The following DUSP22 variants were observed in gnomAD, a reference collection of about 807,000 sequenced individuals.
DUSP22 encodes dual specificity phosphatase 22, also known as dual specificity protein phosphatase 22.
In DUSP22, 24 loss-of-function variants were observed where a neutral mutation model predicts 24.5. The ratio of observed to expected loss-of-function variants is 0.98; its 90% CI spans 0.71 to 1.38. The LOEUF (loss-of-function observed/expected upper bound fraction) is 1.38, where lower values mean the gene tolerates loss of function less well. Ranked by LOEUF, DUSP22 falls within the 40% of genes most tolerant of loss-of-function variation. DUSP22 has a pLI of 0.00. For synonymous variants in DUSP22, 160 were observed against 106.4 expected (o/e 1.50, Z -3.10); for missense variants, 330 against 269.2 (o/e 1.23, Z -1.58).
At chr6:297,338 G>A (rs1481705966) in intron 1 of DUSP22, among the ~76,000 whole-genome samples, 2 of 152,306 alleles carry the variant, frequency 1.3e-5, no homozygotes, top group Non-Finnish European at 2.9e-5. Context: ...AAACTGTGAA[G>A]TGCAAATACA....
Position 351,139 on chromosome 6 carries a change from G to C in DUSP22, c.*2188G>C. The C allele has an allele frequency of 1.9e-6, 1 of 538,134 alleles. No individual in the cohort carries two copies. Among genetic ancestry groups the C allele is most frequent in the Admixed American group, 3.4e-5 (1 of 29,026 alleles). 33.3% of individuals were successfully genotyped at this position (538,134 alleles called of 1,614,324 possible). A position where few individuals can be genotyped will look rare whatever the true frequency, so the allele number is the denominator to read the frequency against. On this transcript the variant is annotated 3_prime_UTR_variant, in exon 7 of 7. Coordinates refer to ENST00000419235, the MANE Select transcript of DUSP22 (RefSeq NM_001286555.3). ...CCCGGGAGCCTTGCCGCACTGCCTTGTGGGTGGCTTGGCGCTCGTGATTGC... is the reference window on the plus strand; with the variant it reads ...CCCGGGAGCCTTGCCGCACTGCCTTCTGGGTGGCTTGGCGCTCGTGATTGC...
At chr6:301,034 G>A (rs796500232) in intron 1 of DUSP22, among the ~76,000 whole-genome samples, 15 of 152,296 alleles carry the variant, frequency 9.8e-5, no homozygotes, top group Non-Finnish European at 1.8e-4. Flanking sequence ...CCCTGCAGCC[G>A]GCGTGCAGAC....
At position 350,911 on chromosome 6, in the gene DUSP22, G is replaced by T; in HGVS notation, c.*1960G>T. Reference sequence around the variant, plus strand: ...AAATATTGCAAACCCACAGAGTTTAGGCTGGTGCTGCCAAAAAGAAAAGCA... The same window carrying T: ...AAATATTGCAAACCCACAGAGTTTATGCTGGTGCTGCCAAAAAGAAAAGCA... On this transcript the variant is annotated 3_prime_UTR_variant, in exon 7 of 7. Transcript: ENST00000419235. 6.2e-7 allele frequency: 1 copy of T among 1,611,956 alleles called. No homozygotes were observed. The highest frequency in any genetic ancestry group is 8.5e-7 in the Non-Finnish European group (1 of 1,178,552).
intron 3 of DUSP22, among the ~76,000 whole-genome samples, chr6:317,586 T>G (rs1376924345): frequency 6.6e-6 from 1 of 152,302 alleles, no homozygotes; most frequent in Non-Finnish European, 1.5e-5. Context: ...CAGTTTGTAC[T>G]CTCAGTTGGG....
At chr6:343,968 A>T (rs1411607881) in intron 4 of DUSP22, among the ~76,000 whole-genome samples, 1 of 152,306 alleles carries the variant, frequency 6.6e-6, no homozygotes, top group Admixed American at 6.5e-5. Context: ...TTGCTGTTTT[A>T]TAAGCCATTC....
intron 2 of DUSP22, among the ~76,000 whole-genome samples, chr6:311,381 A>G (rs1479630091): frequency 1.3e-5 from 2 of 152,306 alleles, no homozygotes; most frequent in Non-Finnish European, 2.9e-5. Flanking sequence ...TGAGACAATC[A>G]GAAATAAAGT....
In DUSP22 at chr6:330,830, C is replaced by T. The variant is rs576859579; in HGVS notation, c.139-4284C>T. 2.0e-5 allele frequency among the ~76,000 whole-genome samples: 3 copies of T among 152,422 alleles called. No individual in the cohort carries two copies. The South Asian group carries it at 6.2e-4, about 32-fold the overall frequency. ...GCTGTCCTTAGCAGATCCCCCATCT[C>T]TCCTGCCTCTTTGCAGCATCTTCCA... On this transcript the variant is annotated intron_variant, in intron 3 of 6. Transcript: ENST00000419235.
chr6:331,079 G>A (rs532599221), intron 3 of DUSP22, among the ~76,000 whole-genome samples: 49 of 152,392 alleles, frequency 3.2e-4, no homozygotes, highest in African/African-American at 9.6e-4. Flanking sequence ...AAATCATGAC[G>A]GTCTTGAAGC....
At chr6:293,246 G>T (rs1178984533) in intron 1 of DUSP22, among the ~76,000 whole-genome samples, 2 of 152,272 alleles carry the variant, frequency 1.3e-5, no homozygotes, top group Non-Finnish European at 1.5e-5. Flanking sequence ...TTCTTTTGTT[G>T]CCCGCACCTC....
intron 1 of DUSP22, among the ~76,000 whole-genome samples, chr6:296,343 C>T (rs1366944931): frequency 2.6e-5 from 4 of 152,288 alleles, no homozygotes; most frequent in African/African-American, 9.6e-5. Context: ...ATTTTCATGC[C>T]TGTTTTCTGG....
rs539992007 is a variant in DUSP22 at position 337,787 on chromosome 6, A to G, written c.188+2624A>G. Reference sequence around the variant, plus strand: ...CCCCTCACCTCCTCCTACCCTTTTAATTAGTTCTCTCCTATCCCAAATATG... The same window carrying G: ...CCCCTCACCTCCTCCTACCCTTTTAGTTAGTTCTCTCCTATCCCAAATATG... On this transcript the variant is annotated intron_variant, in intron 4 of 6. Coordinates refer to ENST00000419235, the MANE Select transcript of DUSP22 (RefSeq NM_001286555.3). Among the ~76,000 whole-genome samples, 7 of 152,420 alleles carry G rather than the reference A, an allele frequency of 4.6e-5. No homozygotes were observed. The East Asian group carries it at 1.2e-3, about 25-fold the overall frequency.
intron 1 of DUSP22, among the ~76,000 whole-genome samples, chr6:297,021 TG>T (rs1375485107): frequency 1.6e-4 from 25 of 152,408 alleles, no homozygotes; most frequent in African/African-American, 5.8e-4. Context: ...CTCACTTCAG[TG>T]GGTGCATCTT....
Position 337,638 on chromosome 6 carries a change from G to A in DUSP22, c.188+2475G>A, listed in dbSNP as rs1310046840. 3.9e-5 allele frequency among the ~76,000 whole-genome samples: 6 copies of A among 152,420 alleles called. No individual in the cohort carries two copies. In the East Asian group the frequency reaches 7.7e-4, roughly 20 times the overall value. On this transcript the variant is annotated intron_variant, in intron 4 of 6. Transcript: ENST00000419235. ...CCCATACTTTTTCTTTTTAAAATAC[G>A]TATAGATTTAGGGGTTGCAGGTGCA...
intron 1 of DUSP22, 23 bp downstream of exon 1, chr6:292,583 C>G: frequency 6.3e-7 from 1 of 1,592,470 alleles, no homozygotes; most frequent in Non-Finnish European, 8.5e-7. Context: ...CTCGTTCGCG[C>G]TGGGTTTGCC....
chr6:323,056 G>C (rs1299282590), intron 3 of DUSP22, among the ~76,000 whole-genome samples: 2 of 152,304 alleles, frequency 1.3e-5, no homozygotes, highest in Non-Finnish European at 2.9e-5. Flanking sequence ...GGTGGACCTT[G>C]TGTTTGCCCA....
At chr6:317,507 C>G (rs965442400) in intron 3 of DUSP22, among the ~76,000 whole-genome samples, 7 of 152,310 alleles carry the variant, frequency 4.6e-5, no homozygotes, top group African/African-American at 7.2e-5. Context: ...CCCAGCTCTC[C>G]TTCCTCTGAG....
At position 350,561 on chromosome 6, in the gene DUSP22, C is replaced by G; in HGVS notation, c.*1610C>G. The G allele has an allele frequency of 1.5e-6, 2 of 1,377,984 alleles. No homozygotes were observed. The highest frequency in any genetic ancestry group is 1.6e-5 in the South Asian group (1 of 62,078). The allele number at this position is 1,377,984 out of a possible 1,614,324, so 85.4% of individuals were successfully genotyped here. A position where few individuals can be genotyped will look rare whatever the true frequency, so the allele number is the denominator to read the frequency against. On this transcript the variant is annotated 3_prime_UTR_variant, in exon 7 of 7. Coordinates refer to ENST00000419235, the MANE Select transcript of DUSP22 (RefSeq NM_001286555.3). ...CCGGGAAAAACAAAGTTGCCTGATTCCGCGCAGGTGCACAGGCCCCGGATG... is the reference window on the plus strand; with the variant it reads ...CCGGGAAAAACAAAGTTGCCTGATTGCGCGCAGGTGCACAGGCCCCGGATG...
chr6:303,384 G>C (rs928011770), intron 1 of DUSP22, among the ~76,000 whole-genome samples: 1 of 152,306 alleles, frequency 6.6e-6, no homozygotes, highest in Non-Finnish European at 1.5e-5. Context: ...ACAGAGACTA[G>C]CTCTGGGCCT....
At chr6:342,986 C>T (rs1187709733) in intron 4 of DUSP22, among the ~76,000 whole-genome samples, 2 of 152,306 alleles carry the variant, frequency 1.3e-5, no homozygotes, top group East Asian at 3.8e-4. Context: ...GGCTACCCAG[C>T]TCTTTGCTGG....
Sources: gnomAD v4.1 joint callset for allele counts (sites outside exome capture counted in the v4.1 genomes callset) on GRCh38, gnomAD v4.1.1 for gene constraint, MANE v1.5 for transcripts, NCBI Gene and HGNC (gene_info 2026-07-23, HGNC 2026-07-21) for gene names.